The following ROPN1L variants were observed in gnomAD, a reference collection of about 807,000 sequenced individuals.
ROPN1L encodes rhophilin associated tail protein 1 like, also known as ropporin-1-like protein.
In ROPN1L, 23 loss-of-function variants were observed where a neutral mutation model predicts 22.7. The observed-to-expected ratio is 1.01, with a 90% CI of 0.73 to 1.43. ROPN1L has a LOEUF of 1.43. Among genes scored for constraint, ROPN1L ranks in the 40% most tolerant of loss-of-function variants. ROPN1L has a pLI of 0.00. For synonymous variants in ROPN1L, 116 were observed against 117.8 expected, an observed-to-expected ratio of 0.98 and a Z score of 0.10; for missense variants, 271 against 291.5, an observed-to-expected ratio of 0.93 and a Z score of 0.51.
downstream of ROPN1L, among the ~76,000 whole-genome samples, chr5:10,467,438 CA>C (rs1351843690): frequency 2.0e-5 from 3 of 152,158 alleles, no homozygotes; most frequent in African/African-American, 7.2e-5. Flanking sequence ...ATCACAGAGG[CA>C]GTCTGTGGTC....
At chr5:10,474,828 C>T (rs755632400), downstream of ROPN1L, among the ~76,000 whole-genome samples, 20 of 152,210 alleles carry the variant, frequency 1.3e-4, no homozygotes, top group Non-Finnish European at 2.6e-4. Flanking sequence ...GAGCTTGAGC[C>T]TTGATTTTGT....
At chr5:10,461,461 C>T in intron 4 of ROPN1L, 102 bp downstream of exon 4, 2 of 975,216 alleles carry the variant, frequency 2.1e-6, no homozygotes, top group South Asian at 1.5e-5. Context: ...CCTTTGCTCT[C>T]TCACCACAAC....
intron 3 of ROPN1L, among the ~76,000 whole-genome samples, chr5:10,459,857 G>A (rs749578586): frequency 1.3e-5 from 2 of 152,250 alleles, no homozygotes; most frequent in Admixed American, 6.5e-5. Context: ...CAGGCGTTAG[G>A]TGTCTGTTCA....
At chr5:10,444,615 T>A (rs1222955312) in intron 1 of ROPN1L, among the ~76,000 whole-genome samples, 1 of 151,436 alleles carries the variant, frequency 6.6e-6, no homozygotes, top group Non-Finnish European at 1.5e-5. Context: ...AGAGGCTTAA[T>A]CAGGCTGGGC....
At position 10,441,949 on chromosome 5, in the gene ROPN1L, G is replaced by C; in HGVS notation, c.-219G>C. 7.3e-6 allele frequency: 4 copies of C among 550,270 alleles called. No individual in the cohort carries two copies. Among genetic ancestry groups the C allele is most frequent in the Non-Finnish European group, 1.3e-5 (4 of 309,776 alleles). 34.1% of individuals were successfully genotyped at this position (550,270 alleles called of 1,614,324 possible). A position where few individuals can be genotyped will look rare whatever the true frequency, so the allele number is the denominator to read the frequency against. On this transcript the variant is annotated 5_prime_UTR_variant, in exon 1 of 5. Coordinates refer to ENST00000274134, the MANE Select transcript of ROPN1L (RefSeq NM_031916.5). The stretch of plus-strand genomic sequence containing the variant: ...GCGCTAGGGAACTGCAGGGTCTAGG[G>C]TGTTGTCGGAGTGGCAGTTGGTCCG...
chr5:10,476,270 C>T (rs753289884), downstream of ROPN1L, among the ~76,000 whole-genome samples: 14 of 152,168 alleles, frequency 9.2e-5, no homozygotes, highest in Non-Finnish European at 1.3e-4. Context: ...CTATGTGTTG[C>T]GGGGCATGAT....
the ROPN1L span, among the ~76,000 whole-genome samples, chr5:10,480,029 C>T: frequency 7.9e-5 from 12 of 152,316 alleles, no homozygotes; most frequent in Admixed American, 3.3e-4. Flanking sequence ...CAGGCATGAG[C>T]CACTGTGCCC....
intron 4 of ROPN1L, among the ~76,000 whole-genome samples, chr5:10,464,024 C>T (rs906169172): frequency 6.6e-5 from 10 of 152,174 alleles, no homozygotes; most frequent in African/African-American, 2.2e-4. Context: ...TCAAGTGATC[C>T]GCCAGCCTCC....
intron 3 of ROPN1L, among the ~76,000 whole-genome samples, chr5:10,460,107 A>G (rs1734988286): frequency 6.6e-6 from 1 of 152,092 alleles, no homozygotes; most frequent in Admixed American, 6.5e-5. Context: ...CCAGCTGCGG[A>G]ATTAGGACAC....
At chr5:10,448,498 A>G in intron 2 of ROPN1L, 115 bp downstream of exon 2, 1 of 1,208,058 alleles carries the variant, frequency 8.3e-7, no homozygotes, top group Non-Finnish European at 1.1e-6. Flanking sequence ...AAACCTCCTG[A>G]GGTCCCTGAA....
In ROPN1L at chr5:10,465,026, A is replaced by G. The variant is rs1735128494; in HGVS notation, c.*79A>G. 6.4e-6 allele frequency: 5 copies of G among 783,762 alleles called. No individual in the cohort carries two copies. The highest frequency in any genetic ancestry group is 2.5e-5 in the Admixed American group (1 of 40,582). 48.6% of individuals were successfully genotyped at this position (783,762 alleles called of 1,614,324 possible). On this transcript the variant is annotated 3_prime_UTR_variant, in exon 5 of 5. Transcript: ENST00000274134. ...CCAAATACAACTTACCCTGAATCAC[A>G]CACCTCTGTAGTGTGAGTGTTTCTC...
rs145915263 is a variant in ROPN1L at position 10,452,895 on chromosome 5, A to G, written c.417+2782A>G. Among the ~76,000 whole-genome samples the G allele has an allele frequency of 1.4e-3, 218 of 152,318 alleles. 1 individual carries two copies. Among genetic ancestry groups the G allele is most frequent in the Non-Finnish European group, 2.2e-3 (153 of 68,018 alleles). On this transcript the variant is annotated intron_variant, in intron 3 of 4. Coordinates refer to ENST00000274134, the MANE Select transcript of ROPN1L (RefSeq NM_031916.5). ...AGAGTGTGTGACACTAGATGGAGAC[A>G]TTGTGTTAAGGATAGAGCTTGGCCG...
chr5:10,442,186 A>G lies in ROPN1L; in HGVS notation c.19A>G (p.Met7Val). The change falls in exon 1 of 5, where the codon ATG (methionine) becomes GTG (valine). Residue 7 changes from methionine (M) to valine (V), a missense_variant. Transcript: ENST00000274134. MPLPDT[M>V]FCAQQIHIPP... Reference sequence around the variant, plus strand: ...GAGAGCGATGCCGCTTCCCGACACCATGTTCTGCGCTCAGCAGATCCACAT... The same window carrying G: ...GAGAGCGATGCCGCTTCCCGACACCGTGTTCTGCGCTCAGCAGATCCACAT... 4 of 1,613,582 alleles carry G rather than the reference A, an allele frequency of 2.5e-6. No homozygotes were observed. The highest frequency in any genetic ancestry group is 3.3e-5 in the Admixed American group (2 of 60,024).
At chr5:10,445,665 C>T (rs1250788633) in intron 1 of ROPN1L, among the ~76,000 whole-genome samples, 1 of 152,216 alleles carries the variant, frequency 6.6e-6, no homozygotes, top group Non-Finnish European at 1.5e-5. Flanking sequence ...GTGGCTCACA[C>T]CTGTAATCCC....
At chr5:10,445,883 A>G (rs1167079985) in intron 1 of ROPN1L, among the ~76,000 whole-genome samples, 1 of 152,172 alleles carries the variant, frequency 6.6e-6, no homozygotes, top group Non-Finnish European at 1.5e-5. Context: ...TGTTCACAAC[A>G]CTCTACTCCA....
Position 10,464,864 on chromosome 5 carries a change from G to A in ROPN1L, c.610G>A (p.Gly204Ser), listed in dbSNP as rs566309974. 31 of 1,598,386 alleles carry A rather than the reference G, an allele frequency of 1.9e-5. No individual in the cohort carries two copies. Among genetic ancestry groups the A allele is most frequent in the Non-Finnish European group, 2.5e-5 (29 of 1,173,904 alleles). ...CCAATTTAGAGACGCCAGGAAGAAC[G>A]GCATGATAGGTCTTTCAGATTTCTT... is the stretch of plus-strand genomic sequence containing the variant. The part of the protein sequence containing the change: ...LKENIDARKN[G>S]MIGLSDFFFP... The change falls in exon 5 of 5, where the codon GGC (glycine) becomes AGC (serine). Residue 204 changes from glycine to serine, a missense_variant. Gly to Ser is a moderately conservative substitution (Grantham distance 56). Transcript: ENST00000274134.
chr5:10,475,833 A>C (rs912288692), downstream of ROPN1L, among the ~76,000 whole-genome samples: 1 of 152,200 alleles, frequency 6.6e-6, no homozygotes, highest in African/African-American at 2.4e-5. Flanking sequence ...AACAAATCAC[A>C]CAGTGGCTTA....
intron 3 of ROPN1L, among the ~76,000 whole-genome samples, chr5:10,460,261 G>C (rs1809880): frequency 0.87 from 132,554 of 152,296 alleles, 58,234 homozygotes; most frequent in East Asian, 1. Context: ...CCACCTTCTT[G>C]AAACAAACAC....
At position 10,452,919 on chromosome 5, in the gene ROPN1L, C is replaced by T. The variant is rs75288028; in HGVS notation, c.417+2806C>T. Among the ~76,000 whole-genome samples, 951 of 152,208 alleles carry T rather than the reference C, an allele frequency of 6.2e-3. 2 individuals carry two copies. Among genetic ancestry groups the T allele is most frequent in the African/African-American group, 0.019 (805 of 41,512 alleles). On this transcript the variant is annotated intron_variant, in intron 3 of 4. Coordinates refer to ENST00000274134, the MANE Select transcript of ROPN1L (RefSeq NM_031916.5). The stretch of plus-strand genomic sequence containing the variant: ...CATTGTGTTAAGGATAGAGCTTGGC[C>T]GTCTAAGCTGACTCCTGGGGAAGAG...
Sources: gnomAD v4.1 joint callset for allele counts (sites outside exome capture counted in the v4.1 genomes callset) on GRCh38, gnomAD v4.1.1 for gene constraint, MANE v1.5 for transcripts, NCBI Gene and HGNC (gene_info 2026-07-23, HGNC 2026-07-21) for gene names.